ZNF75A: variants seen among roughly 807,000 people sequenced by gnomAD.
ZNF75A encodes zinc finger protein 75A.
In ZNF75A, 36 loss-of-function variants were observed where a neutral mutation model predicts 46.3. That is an observed-to-expected ratio of 0.78 (90% CI 0.60 to 1.03). The LOEUF (loss-of-function observed/expected upper bound fraction) is 1.03. ZNF75A is among the 50% of genes least tolerant of loss of function. ZNF75A has a pLI of 0.00. For synonymous variants in ZNF75A, 234 were observed against 189.9 expected (o/e 1.23, Z -1.91); for missense variants, 595 against 551.3 (o/e 1.08, Z -0.79).
chr16:3,318,046 G>T lies in ZNF75A; in HGVS notation c.*177G>T. The T allele has an allele frequency of 7.2e-7, 1 of 1,397,496 alleles. No individual in the cohort carries two copies. The highest frequency in any genetic ancestry group is 9.2e-7 in the Non-Finnish European group (1 of 1,081,964). The allele number at this position is 1,397,496 out of a possible 1,614,324, so 86.6% of individuals were successfully genotyped here. On this transcript the variant is annotated 3_prime_UTR_variant, in exon 7 of 7. Coordinates refer to ENST00000669516, the MANE Select transcript of ZNF75A (RefSeq NM_001302109.2). ...CTCTGCAGCCACTCAGTAGTCTTCT[G>T]TGGTCACAGAAGTAAACATTGTTGG...
chr16:3,308,433 T>C lies in ZNF75A; in HGVS notation c.5T>C (p.Met2Thr), dbSNP rs1960451652. ...AGCAGAACTTCCTAGAGCAGAATGA[T>C]GATGGTAGATCTGAAAGTGGCTGCG... is the stretch of plus-strand genomic sequence containing the variant. M[M>T]MVDLKVAAYL... Residue 2 changes from methionine to threonine, a missense_variant, in exon 2 of 7, where the codon ATG (methionine) becomes ACG (threonine). Met to Thr is a moderately conservative substitution (Grantham distance 81). Coordinates refer to ENST00000669516, the MANE Select transcript of ZNF75A (RefSeq NM_001302109.2). 1 of 985,876 alleles carries C rather than the reference T, an allele frequency of 1.0e-6. No homozygotes were observed. Among genetic ancestry groups the C allele is most frequent in the Non-Finnish European group, 1.2e-6 (1 of 829,954 alleles). 61.1% of individuals were successfully genotyped at this position (985,876 alleles called of 1,614,324 possible). A position where few individuals can be genotyped will look rare whatever the true frequency, so the allele number is the denominator to read the frequency against.
downstream of ZNF75A, chr16:3,318,855 A>C (rs1419608151): frequency 1.0e-6 from 1 of 984,986 alleles, no homozygotes; most frequent in East Asian, 1.1e-4. Flanking sequence ...CACTGGTGCT[A>C]AGTGTTGGGC....
Position 3,313,038 on chromosome 16 carries a change from C to G in ZNF75A, c.697-11C>G. 1 of 1,608,368 alleles carries G rather than the reference C, an allele frequency of 6.2e-7. No individual in the cohort carries two copies. The highest frequency in any genetic ancestry group is 1.7e-5 in the Admixed American group (1 of 59,392). On this transcript the variant is annotated splice_polypyrimidine_tract_variant and intron_variant, in intron 4 of 6. Transcript: ENST00000669516. ...GGCAGGTTCTGAGCTGAAGTCCATTCTCTTCTTTAGAGCTTGTTGACATTT... is the reference window on the plus strand; with the variant it reads ...GGCAGGTTCTGAGCTGAAGTCCATTGTCTTCTTTAGAGCTTGTTGACATTT...
intron 5 of ZNF75A, among the ~76,000 whole-genome samples, chr16:3,313,474 T>C (rs1294183358): frequency 6.6e-6 from 1 of 152,242 alleles, no homozygotes; most frequent in African/African-American, 2.4e-5. Context: ...GCTCAAGGCA[T>C]ACAAAGTAAC....
At chr16:3,315,730 C>T (rs528994404) in intron 5 of ZNF75A, among the ~76,000 whole-genome samples, 1 of 152,342 alleles carries the variant, frequency 6.6e-6, no homozygotes, top group South Asian at 2.1e-4. Flanking sequence ...CACAGAACCC[C>T]AACTGATTTT....
chr16:3,313,182 A>G lies in ZNF75A; in HGVS notation c.823+7A>G. On this transcript the variant is annotated splice_region_variant and intron_variant, in intron 5 of 6. Transcript: ENST00000669516. ...GAGACTGTCATCTCTCTAGGTAAAG[A>G]TTTTCCCTTCCCTTTATGTAGTTGA... The G allele has an allele frequency of 1.2e-6, 2 of 1,612,572 alleles. No homozygotes were observed. Among genetic ancestry groups the G allele is most frequent in the South Asian group, 1.1e-5 (1 of 90,920 alleles).
At chr16:3,314,561 C>T (rs1961054224) in intron 5 of ZNF75A, among the ~76,000 whole-genome samples, 2 of 152,240 alleles carry the variant, frequency 1.3e-5, no homozygotes, top group African/African-American at 4.8e-5. Context: ...CTGGGTACCT[C>T]CTAGGCTGTT....
Position 3,318,452 on chromosome 16 carries a change from G to C in ZNF75A, c.*583G>C, listed in dbSNP as rs541987975. On this transcript the variant is annotated 3_prime_UTR_variant, in exon 7 of 7. Transcript: ENST00000669516. ...ATGCACTGTCTTATGCCTCTCATTG[G>C]TGATGTTTGGAAAATAGAAGACATC... is the stretch of plus-strand genomic sequence containing the variant. 2 of 985,432 alleles carry C rather than the reference G, an allele frequency of 2.0e-6. No individual in the cohort carries two copies. Among genetic ancestry groups the C allele is most frequent in the Admixed American group, 6.1e-5 (1 of 16,280 alleles). 61.0% of individuals were successfully genotyped at this position (985,432 alleles called of 1,614,324 possible).
rs1015948107 is a variant in ZNF75A, at chr16:3,311,978, C to T, written c.604+30C>T. 3.4e-5 allele frequency: 33 copies of T among 974,328 alleles called. No homozygotes were observed. In the Admixed American group the frequency reaches 1.8e-3, roughly 53 times the overall value. 60.4% of individuals were successfully genotyped at this position (974,328 alleles called of 1,614,324 possible). A position where few individuals can be genotyped will look rare whatever the true frequency, so the allele number is the denominator to read the frequency against. ...GGAGCTTCATGATAATTTTCTTCTC[C>T]TGGGAGCTGTGATAATAGTTTATTC... On this transcript the variant is annotated intron_variant, in intron 3 of 6. Transcript: ENST00000669516.
Position 3,317,913 on chromosome 16 carries a change from A to G in ZNF75A, c.*44A>G, listed in dbSNP as rs752075098. Reference sequence around the variant, plus strand: ...TCCTCATTCTGAAGACATTCACCAAATGGAGCTTGGCACTAAAATTTATGT... The same window carrying G: ...TCCTCATTCTGAAGACATTCACCAAGTGGAGCTTGGCACTAAAATTTATGT... On this transcript the variant is annotated 3_prime_UTR_variant, in exon 7 of 7. Coordinates refer to ENST00000669516, the MANE Select transcript of ZNF75A (RefSeq NM_001302109.2). 6.6e-7 allele frequency: 1 copy of G among 1,523,162 alleles called. No homozygotes were observed. The highest frequency in any genetic ancestry group is 8.8e-7 in the Non-Finnish European group (1 of 1,137,142). The allele number at this position is 1,523,162 out of a possible 1,614,324, so 94.4% of individuals were successfully genotyped here. A position where few individuals can be genotyped will look rare whatever the true frequency, so the allele number is the denominator to read the frequency against.
intron 5 of ZNF75A, 70 bp downstream of exon 5, chr16:3,313,245 G>T (rs1372461000): frequency 2.0e-6 from 3 of 1,516,510 alleles, no homozygotes; most frequent in Non-Finnish European, 2.7e-6. Flanking sequence ...GAACCCCAGT[G>T]AGGGGTGTCT....
chr16:3,306,498 G>C (rs1232117018), intron 1 of ZNF75A: 1 of 152,126 alleles, frequency 6.6e-6, no homozygotes, highest in Non-Finnish European at 1.5e-5. Context: ...TGGATCACGA[G>C]GTCAGGAGAT....
Position 3,318,674 on chromosome 16 carries a change from AGTTTT to A in ZNF75A, c.*810_*814del. 1.0e-6 allele frequency: 1 copy of A among 985,402 alleles called. No individual in the cohort carries two copies. The highest frequency in any genetic ancestry group is 1.2e-6 in the Non-Finnish European group (1 of 829,938). The allele number at this position is 985,402 out of a possible 1,614,324, so 61.0% of individuals were successfully genotyped here. A position where few individuals can be genotyped will look rare whatever the true frequency, so the allele number is the denominator to read the frequency against. ...TAGTGGGAATTAAGATCAACTTCTC[AGTTTT>A]GTTTGTTTACTTTTTAATTGGCTTT... On this transcript the variant is annotated 3_prime_UTR_variant, in exon 7 of 7. Transcript: ENST00000669516.
downstream of ZNF75A, among the ~76,000 whole-genome samples, chr16:3,320,614 A>C (rs781357792): frequency 4.7e-4 from 72 of 152,176 alleles, no homozygotes; most frequent in African/African-American, 1.4e-3. Flanking sequence ...CTCCTTCCCT[A>C]TCTGGCCTTA....
Position 3,317,837 on chromosome 16 carries a change from A to C in ZNF75A, c.1582A>C (p.Ser528Arg). The C allele has an allele frequency of 6.2e-7, 1 of 1,612,764 alleles. No homozygotes were observed. Among genetic ancestry groups the C allele is most frequent in the Non-Finnish European group, 8.5e-7 (1 of 1,179,154 alleles). ...CAGGAGAAACTTCAGCAGGCGGTCA[A>C]GCCTTCTTAGACACCAGAAACTCCA... ...ICRRNFSRRS[S>R]LLRHQKLHL The change falls in exon 7 of 7, where the codon AGC (serine) becomes CGC (arginine). Residue 528 changes from serine to arginine, a missense_variant. Coordinates refer to ENST00000669516, the MANE Select transcript of ZNF75A (RefSeq NM_001302109.2).
At chr16:3,316,804 G>C in intron 5 of ZNF75A, 108 bp from the exon 6 acceptor site, 2 of 703,966 alleles carry the variant, frequency 2.8e-6, no homozygotes, top group Non-Finnish European at 2.5e-6. Context: ...TAACCATTTG[G>C]AGTAACAAAT....
At position 3,317,715 on chromosome 16, in the gene ZNF75A, C is replaced by T. The variant is rs1344785937; in HGVS notation, c.1460C>T (p.Thr487Ile). The stretch of plus-strand genomic sequence containing the variant: ...ACTCATACAGGAGAAAAGCCCTTCA[C>T]ATGTCATGAATGTGGAAAAAAATTC... The part of the protein sequence containing the change: ...QRTHTGEKPF[T>I]CHECGKKFSQ... Residue 487 changes from threonine to isoleucine, a missense_variant, in exon 7 of 7, where the codon ACA becomes ATA. Transcript: ENST00000669516. 3 of 1,614,220 alleles carry T rather than the reference C, an allele frequency of 1.9e-6. No individual in the cohort carries two copies. In the South Asian group the frequency reaches 3.3e-5, roughly 18 times the overall value.
chr16:3,309,069 C>T (rs1015619828), intron 2 of ZNF75A: 4 of 158,994 alleles, frequency 2.5e-5, no homozygotes, highest in Non-Finnish European at 4.0e-5. Context: ...CTTTTGCCCT[C>T]TTTGGAGCCA....
chr16:3,316,997 G>A lies in ZNF75A; in HGVS notation c.909G>A (p.Lys303=). ...EPWVQVSPEF[K]DSAGKSPTGL... ...GGGTTCAAGTATCCCCGGAGTTTAA[G>A]GATAGTGCCGGAAAATCTCCTACAG... The change falls in exon 6 of 7, where the codon AAG becomes AAA. Residue 303 remains lysine (K), a synonymous_variant. Transcript: ENST00000669516. The A allele has an allele frequency of 6.2e-7, 1 of 1,614,018 alleles. No individual in the cohort carries two copies. The highest frequency in any genetic ancestry group is 8.5e-7 in the Non-Finnish European group (1 of 1,179,950).
Sources: allele counts gnomAD v4.1 joint callset (sites outside exome capture counted in the v4.1 genomes callset), GRCh38; gene constraint gnomAD v4.1.1; transcripts MANE v1.5; gene names NCBI Gene and HGNC (gene_info 2026-07-23, HGNC 2026-07-21).